Variants in SLC35D2 observed in about 807,000 individuals in gnomAD.
SLC35D2 encodes the protein nucleotide sugar transporter SLC35D2.
SLC35D2 carries 43 observed loss-of-function variants against 41.8 expected under a neutral mutation model. That is an observed-to-expected ratio of 1.03 (90% confidence interval 0.81 to 1.33). SLC35D2 has a LOEUF of 1.33. SLC35D2 is among the 40% of genes most tolerant of loss of function. The pLI is 0.00. For synonymous variants in SLC35D2, 150 were observed against 163.9 expected (o/e 0.92, Z 0.65); for missense variants, 380 against 408.4 (o/e 0.93, Z 0.60).
Position 96,331,678 on chromosome 9 carries a change from C to A in SLC35D2, c.752+5039G>T. Among the ~76,000 whole-genome samples the A allele has an allele frequency of 1.3e-5, 2 of 152,284 alleles. 1 individual carries two copies. Among genetic ancestry groups the A allele is most frequent in the Middle Eastern group, 6.8e-3 (2 of 294 alleles). ...TCTAAATAGATTGAGACCTGTCTCA[C>A]ACACTTTTTGGTTTACAGCAGGAGT... On this transcript the variant is annotated intron_variant, in intron 9 of 11. Transcript: ENST00000253270.
intron 9 of SLC35D2, among the ~76,000 whole-genome samples, chr9:96,324,835 G>A (rs1004622615): frequency 1.3e-5 from 2 of 151,766 alleles, no homozygotes; most frequent in East Asian, 2.0e-4. Context: ...GATTACAGGC[G>A]TGAGCCACCG....
chr9:96,333,686 G>A (rs906200671), intron 9 of SLC35D2, among the ~76,000 whole-genome samples: 7 of 151,862 alleles, frequency 4.6e-5, no homozygotes, highest in East Asian at 3.9e-4. Context: ...AGCTCACAGC[G>A]AGGCTGCCCG....
intron 1 of SLC35D2, among the ~76,000 whole-genome samples, chr9:96,369,801 A>G (rs554791479): frequency 6.6e-6 from 1 of 152,210 alleles, no homozygotes; most frequent in African/African-American, 2.4e-5. Context: ...GCTCCCAGTC[A>G]TTTCTCAGGC....
chr9:96,344,658 T>C (rs2130911403), intron 7 of SLC35D2, among the ~76,000 whole-genome samples: 1 of 141,822 alleles, frequency 7.1e-6, no homozygotes, highest in African/African-American at 2.7e-5. Context: ...CACAAAGAGC[T>C]TGGAACAAAG....
chr9:96,317,468 G>A (rs986804766), downstream of SLC35D2, among the ~76,000 whole-genome samples: 1 of 152,066 alleles, frequency 6.6e-6, no homozygotes, highest in Non-Finnish European at 1.5e-5. Flanking sequence ...TTAAACCCAA[G>A]TTCTTTAGCT....
chr9:96,383,537 A>G lies in SLC35D2; in HGVS notation c.98T>C (p.Phe33Ser), dbSNP rs954594908. Reference protein sequence around the residue: ...SRVARLLSALFYGTCSFLIVL... With the variant: ...SRVARLLSALSYGTCSFLIVL... ...GATGAGGAAGGAGCAGGTCCCGTAGAAGAGCGCCGACAGCAGCCGGGCCAC... is the reference window on the plus strand; with the variant it reads ...GATGAGGAAGGAGCAGGTCCCGTAGGAGAGCGCCGACAGCAGCCGGGCCAC... Residue 33 changes from phenylalanine to serine, a missense_variant, in exon 1 of 12, where the codon TTC (phenylalanine) becomes TCC (serine). Transcript: ENST00000253270. 46 of 1,514,306 alleles carry G rather than the reference A, an allele frequency of 3.0e-5. No homozygotes were observed. The highest frequency in any genetic ancestry group is 4.1e-5 in the Non-Finnish European group (46 of 1,130,958). 93.8% of individuals were successfully genotyped at this position (1,514,306 alleles called of 1,614,324 possible). A position where few individuals can be genotyped will look rare whatever the true frequency, so the allele number is the denominator to read the frequency against.
chr9:96,336,573 C>A, intron 9 of SLC35D2, 144 bp downstream of exon 9: 2 of 598,774 alleles, frequency 3.3e-6, no homozygotes, highest in Non-Finnish European at 3.0e-6. Flanking sequence ...GGGTCCCTGA[C>A]ACCTCCTTTG....
chr9:96,355,761 G>T lies in SLC35D2; in HGVS notation c.348-3652C>A, dbSNP rs1308928540. On this transcript the variant is annotated intron_variant, in intron 4 of 11. Transcript: ENST00000253270. ...ATCCACCTGCCTTGGCCTCCAAAGTGCTGGGATTACAGGCGTGAGCCACTG... is the reference window on the plus strand; with the variant it reads ...ATCCACCTGCCTTGGCCTCCAAAGTTCTGGGATTACAGGCGTGAGCCACTG... Among the ~76,000 whole-genome samples, 3 of 152,238 alleles carry T rather than the reference G, an allele frequency of 2.0e-5. No individual in the cohort carries two copies. The East Asian group carries it at 5.8e-4, about 29-fold the overall frequency.
At chr9:96,340,684 T>C (rs1447844371) in intron 8 of SLC35D2, among the ~76,000 whole-genome samples, 6 of 148,926 alleles carry the variant, frequency 4.0e-5, no homozygotes, top group Admixed American at 3.4e-4. Context: ...ACTTGACTTG[T>C]ACTTTGTTAT....
At chr9:96,323,916 A>T (rs1828376492) in intron 10 of SLC35D2, among the ~76,000 whole-genome samples, 175 bp downstream of exon 10, 3 of 149,220 alleles carry the variant, frequency 2.0e-5, no homozygotes, top group African/African-American at 7.3e-5. Context: ...ACAGAACGAG[A>T]CTCTGTCTCA....
chr9:96,321,954 G>C, intron 11 of SLC35D2, 44 bp downstream of exon 11: 1 of 1,140,866 alleles, frequency 8.8e-7, no homozygotes, highest in Non-Finnish European at 1.3e-6. Flanking sequence ...AGTGTTTAAG[G>C]TTCTTGTCTT....
At chr9:96,327,830 C>G (rs1202482222) in intron 9 of SLC35D2, among the ~76,000 whole-genome samples, 1 of 151,846 alleles carries the variant, frequency 6.6e-6, no homozygotes, top group Non-Finnish European at 1.5e-5. Context: ...CTATCTTGCC[C>G]AGGCTGATCT....
Position 96,324,147 on chromosome 9 carries a change from C to A in SLC35D2, c.775G>T (p.Val259Phe), listed in dbSNP as rs1317705140. 5 of 1,613,912 alleles carry A rather than the reference C, an allele frequency of 3.1e-6. No individual in the cohort carries two copies. In the South Asian group the frequency reaches 4.4e-5, roughly 14 times the overall value. Residue 259 changes from valine to phenylalanine, a missense_variant, in exon 10 of 12, where the codon GTT (valine) becomes TTT (phenylalanine). Coordinates refer to ENST00000253270, the MANE Select transcript of SLC35D2 (RefSeq NM_007001.3). ...FLGFLLMYST[V>F]LCSYYNSALT... ...GCTGAATTGTAATAGCTGCACAGAA[C>A]CGTGGAGTACATCAGCAGAAACCTG...
downstream of SLC35D2, among the ~76,000 whole-genome samples, chr9:96,316,492 C>CAA (rs148816828): frequency 8.8e-3 from 1,277 of 145,926 alleles, 14 homozygotes; most frequent in Non-Finnish European, 0.01. Context: ...CTCAAAAAAA[C>CAA]AAAAAAAAAA....
chr9:96,316,751 A>G (rs958980434), downstream of SLC35D2, among the ~76,000 whole-genome samples: 3 of 147,332 alleles, frequency 2.0e-5, no homozygotes, highest in African/African-American at 7.6e-5. Context: ...CAAAAAATAT[A>G]TATTTCACTC....
chr9:96,341,938 G>GAAAA (rs139521338), intron 8 of SLC35D2, among the ~76,000 whole-genome samples: 10 of 136,944 alleles, frequency 7.3e-5, no homozygotes, highest in African/African-American at 2.5e-4. Flanking sequence ...TATATTTTTG[G>GAAAA]AAAAAAAAAA....
intron 9 of SLC35D2, among the ~76,000 whole-genome samples, chr9:96,335,986 G>C: frequency 6.7e-6 from 1 of 149,732 alleles, no homozygotes; most frequent in Admixed American, 6.7e-5. Flanking sequence ...GGAGGCAGAG[G>C]TTGCAGTAAG....
intron 9 of SLC35D2, among the ~76,000 whole-genome samples, chr9:96,324,797 C>T (rs942881715): frequency 3.3e-5 from 5 of 151,908 alleles, no homozygotes; most frequent in Admixed American, 3.3e-4. Context: ...TCAGGCAATC[C>T]ACCCGCCTTG....
Position 96,324,090 on chromosome 9 carries a change from C to A in SLC35D2, c.831+1G>T. The stretch of plus-strand genomic sequence containing the variant: ...TCCCTTCCAAGTTTCCATCCACTCA[C>A]CTTGATGGCTCCAACCACTGCTGTC... On this transcript the variant is annotated splice_donor_variant, in intron 10 of 11. Coordinates refer to ENST00000253270, the MANE Select transcript of SLC35D2 (RefSeq NM_007001.3). LOFTEE classifies it high-confidence loss of function. 6.2e-7 allele frequency: 1 copy of A among 1,612,872 alleles called. No homozygotes were observed. The highest frequency in any genetic ancestry group is 8.5e-7 in the Non-Finnish European group (1 of 1,178,942).
Sources: allele counts gnomAD v4.1 joint callset (sites outside exome capture counted in the v4.1 genomes callset), GRCh38; gene constraint gnomAD v4.1.1; transcripts MANE v1.5; gene names NCBI Gene and HGNC (gene_info 2026-07-23, HGNC 2026-07-21).